The following DOCK10 variants were observed in gnomAD, a reference collection of about 807,000 sequenced individuals.
DOCK10 encodes the protein dedicator of cytokinesis 10, also known as dedicator of cytokinesis protein 10.
In DOCK10, 145 loss-of-function variants were observed where a neutral mutation model predicts 280.1. The observed-to-expected ratio is 0.52, with a 90% CI of 0.45 to 0.59. The LOEUF (loss-of-function observed/expected upper bound fraction) is 0.59, where lower values mean the gene tolerates loss of function less well. Ranked by LOEUF, DOCK10 falls within the 20% of genes least tolerant of loss-of-function variation. The pLI is 0.00. For synonymous variants in DOCK10, 915 were observed against 942.2 expected, an observed-to-expected ratio of 0.97 and a Z score of 0.53; for missense variants, 2,368 against 2,651.7, an observed-to-expected ratio of 0.89 and a Z score of 2.35.
At position 224,874,706 on chromosome 2, in the gene DOCK10, G is replaced by A. The variant is rs1698513824; in HGVS notation, c.977C>T (p.Thr326Ile). Reference protein sequence around the residue: ...SVTCECTPEETDSSENNLHAD... With the variant: ...SVTCECTPEEIDSSENNLHAD... ...GTGTAGGTTGTTCTCTGAAGAATCT[G>A]TTTCCTCTGGCGTGCATTCACAAGT... Residue 326 changes from threonine (T) to isoleucine (I), a missense_variant, in exon 9 of 56, where the codon ACA becomes ATA. Thr to Ile is a moderately conservative substitution (Grantham distance 89, BLOSUM62 -1). Transcript: ENST00000258390. The A allele has an allele frequency of 1.2e-6, 2 of 1,613,828 alleles. No homozygotes were observed. The highest frequency in any genetic ancestry group is 2.2e-5 in the East Asian group (1 of 44,888).
intron 38 of DOCK10, 33 bp downstream of exon 38, chr2:224,804,761 C>T (rs751186610): frequency 1.1e-5 from 15 of 1,368,088 alleles, no homozygotes; most frequent in Non-Finnish European, 1.4e-5. Flanking sequence ...TTTTAAAAGA[C>T]CAGATTAACC....
chr2:224,861,700 A>G (rs989908208), intron 14 of DOCK10: 1 of 152,226 alleles, frequency 6.6e-6, no homozygotes, highest in Non-Finnish European at 1.5e-5. Context: ...ATACATTGAG[A>G]TAATGTCAGC....
intron 25 of DOCK10, 41 bp downstream of exon 25, chr2:224,837,721 G>A: frequency 6.5e-7 from 1 of 1,541,162 alleles, no homozygotes; most frequent in Admixed American, 1.7e-5. Flanking sequence ...AAGTCACACA[G>A]CACAAGGGGA....
intron 1 of DOCK10, among the ~76,000 whole-genome samples, chr2:224,977,148 A>AG (rs1198125037): frequency 1.3e-5 from 2 of 152,240 alleles, no homozygotes; most frequent in African/African-American, 4.8e-5. Context: ...CGAAAATTCA[A>AG]GACAAAGCCA....
chr2:224,866,955 G>T (rs899203985), intron 11 of DOCK10, among the ~76,000 whole-genome samples: 1 of 151,998 alleles, frequency 6.6e-6, no homozygotes, highest in Non-Finnish European at 1.5e-5. Flanking sequence ...ATTTCTCCAA[G>T]GAGCCCTGGT....
chr2:224,888,069 T>C (rs963354607), intron 4 of DOCK10, among the ~76,000 whole-genome samples: 1 of 152,176 alleles, frequency 6.6e-6, no homozygotes, highest in African/African-American at 2.4e-5. Context: ...TGGGTATATA[T>C]TTGAAGGAGA....
intron 1 of DOCK10, among the ~76,000 whole-genome samples, chr2:225,014,081 A>ATATATTTTTTTTT (rs776104946): frequency 1.0e-5 from 1 of 96,800 alleles, no homozygotes; most frequent in African/African-American, 4.7e-5. Context: ...GTCTGAATAT[A>ATATATTTTTTTTT]TTGTTTTTTT....
intron 1 of DOCK10, among the ~76,000 whole-genome samples, chr2:224,976,835 C>T (rs992470927): frequency 1.3e-5 from 2 of 152,126 alleles, no homozygotes; most frequent in African/African-American, 2.4e-5. Flanking sequence ...CCCTCTTCCT[C>T]CTTCTTTTGT....
chr2:224,910,050 G>A (rs1700922603), intron 3 of DOCK10, among the ~76,000 whole-genome samples: 1 of 152,120 alleles, frequency 6.6e-6, no homozygotes. Flanking sequence ...ATTTTTTACT[G>A]AGCTGGATGT....
In DOCK10 at chr2:224,800,270, A is replaced by C. The variant is rs772677324; in HGVS notation, c.4394-7T>G. On this transcript the variant is annotated splice_region_variant and splice_polypyrimidine_tract_variant and intron_variant, in intron 40 of 55. Coordinates refer to ENST00000258390, the MANE Select transcript of DOCK10 (RefSeq NM_014689.3). ...TCTATTTCATTGGAGTTGCCTATAA[A>C]ATACAAAATAAAACATGCGTAAAAG... 3 of 1,574,096 alleles carry C rather than the reference A, an allele frequency of 1.9e-6. No homozygotes were observed. The highest frequency in any genetic ancestry group is 3.4e-5 in the Admixed American group (2 of 58,962).
chr2:224,787,238 A>G lies in DOCK10; in HGVS notation c.5541+37T>C, dbSNP rs1443415990. The G allele has an allele frequency of 1.9e-6, 3 of 1,613,156 alleles. No homozygotes were observed. The Admixed American group carries it at 5.0e-5, about 27-fold the overall frequency. On this transcript the variant is annotated intron_variant, in intron 49 of 55. Coordinates refer to ENST00000258390, the MANE Select transcript of DOCK10 (RefSeq NM_014689.3). ...AAGTAATTTTCCAATTCAACATAGG[A>G]TATTTTAATTAACTTCTAGGGGGTT...
At chr2:225,039,102 C>T (rs1690342098) in intron 1 of DOCK10, among the ~76,000 whole-genome samples, 1 of 152,094 alleles carries the variant, frequency 6.6e-6, no homozygotes, top group Non-Finnish European at 1.5e-5. Context: ...TGCTAGGGTA[C>T]AGATACACTT....
chr2:224,827,426 A>G (rs1694943378), intron 27 of DOCK10, among the ~76,000 whole-genome samples: 2 of 152,110 alleles, frequency 1.3e-5, no homozygotes, highest in Admixed American at 6.5e-5. Flanking sequence ...ATCGGGGAAG[A>G]TAAACTGCTG....
At chr2:225,031,243 AT>A (rs1451294566) in intron 1 of DOCK10, among the ~76,000 whole-genome samples, 2 of 152,238 alleles carry the variant, frequency 1.3e-5, no homozygotes, top group African/African-American at 4.8e-5. Flanking sequence ...GTGAAAGGTT[AT>A]CTCTAGCACA....
At chr2:224,964,381 T>C (rs1189707585) in intron 1 of DOCK10, among the ~76,000 whole-genome samples, 4 of 152,234 alleles carry the variant, frequency 2.6e-5, no homozygotes, top group Non-Finnish European at 4.4e-5. Flanking sequence ...TAATTCCTTA[T>C]TGAGGGCTTA....
chr2:224,936,078 A>C (rs1207499979), intron 1 of DOCK10, among the ~76,000 whole-genome samples: 3 of 152,146 alleles, frequency 2.0e-5, no homozygotes, highest in Non-Finnish European at 4.4e-5. Context: ...CTTTCAGAGA[A>C]CTGTGTATGG....
intron 22 of DOCK10, among the ~76,000 whole-genome samples, chr2:224,842,916 C>T (rs1489020838): frequency 6.6e-6 from 1 of 152,158 alleles, no homozygotes; most frequent in East Asian, 1.9e-4. Flanking sequence ...CAAGATGGCC[C>T]AGCTTTGTCT....
intron 1 of DOCK10, among the ~76,000 whole-genome samples, chr2:224,938,021 C>G (rs535696681): frequency 1.3e-5 from 2 of 152,270 alleles, no homozygotes; most frequent in East Asian, 1.9e-4. Context: ...TATCTGGTAT[C>G]TACATTTTGA....
intron 51 of DOCK10, 22 bp downstream of exon 51, chr2:224,778,116 A>G (rs778760294): frequency 1.9e-6 from 3 of 1,608,964 alleles, no homozygotes; most frequent in South Asian, 2.2e-5. Flanking sequence ...TAGCACTTGC[A>G]TGAATACTGA....
Sources: allele counts gnomAD v4.1 joint callset (sites outside exome capture counted in the v4.1 genomes callset), GRCh38; gene constraint gnomAD v4.1.1; transcripts MANE v1.5; gene names NCBI Gene and HGNC (gene_info 2026-07-23, HGNC 2026-07-21).